GAREM1: variants seen among roughly 807,000 people sequenced by gnomAD.
GAREM1 encodes GRB2-associated and regulator of MAPK protein 1.
A neutral mutation model predicts 71.3 loss-of-function variants in GAREM1; 26 were observed. The ratio of observed to expected loss-of-function variants is 0.36; its 90% confidence interval spans 0.27 to 0.51. The LOEUF is 0.51. GAREM1 is among the 20% of genes least tolerant of loss of function. GAREM1 has a pLI of 0.95. For synonymous variants in GAREM1, 440 were observed against 433.2 expected (o/e 1.02, Z -0.20); for missense variants, 1,026 against 1,103.1 (o/e 0.93, Z 0.99).
At chr18:32,443,150 G>A (rs1180491021) in intron 1 of GAREM1, among the ~76,000 whole-genome samples, 1 of 151,936 alleles carries the variant, frequency 6.6e-6, no homozygotes, top group Non-Finnish European at 1.5e-5. Flanking sequence ...AGCTCAAAAT[G>A]GATCAAATAC....
chr18:32,414,886 T>C (rs954052203), intron 1 of GAREM1, among the ~76,000 whole-genome samples: 3 of 151,796 alleles, frequency 2.0e-5, no homozygotes, highest in Non-Finnish European at 2.9e-5. Context: ...ATTTGAAATA[T>C]AGAACACAAT....
Position 32,309,615 on chromosome 18 carries a change from C to CAAAAAA in GAREM1, c.393+572_393+577dup, listed in dbSNP as rs11370938. On this transcript the variant is annotated intron_variant, in intron 3 of 5. Transcript: ENST00000269209. ...TGGGTGACAGAGCAAGACTCAGTCT[C>CAAAAAA]AAAAAAAAAAAAAAAAAAAAAAAAA... is the stretch of plus-strand genomic sequence containing the variant. 2.3e-3 allele frequency among the ~76,000 whole-genome samples: 32 copies of CAAAAAA among 13,838 alleles called. 3 individuals carry two copies. The highest frequency in any genetic ancestry group is 3.8e-3 in the South Asian group (1 of 266). The allele number at this position is 13,838 out of a possible 152,430, so 9.1% of individuals were successfully genotyped here.
chr18:32,309,108 G>T (rs549195147), intron 3 of GAREM1, among the ~76,000 whole-genome samples: 2 of 150,250 alleles, frequency 1.3e-5, no homozygotes, highest in Non-Finnish European at 3.0e-5. Flanking sequence ...ACTTTGGGCT[G>T]AAATGACATT....
intron 1 of GAREM1, among the ~76,000 whole-genome samples, chr18:32,394,830 C>T (rs754086532): frequency 2.0e-5 from 3 of 152,146 alleles, no homozygotes; most frequent in Non-Finnish European, 2.9e-5. Flanking sequence ...AGCGATGTTC[C>T]GCTACCCACC....
chr18:32,399,741 T>C (rs1449469149), intron 1 of GAREM1, among the ~76,000 whole-genome samples: 5 of 152,128 alleles, frequency 3.3e-5, no homozygotes, highest in East Asian at 3.9e-4. Context: ...AAAATGGCCA[T>C]ACTGCCCAAG....
At chr18:32,418,104 T>C (rs1451589159) in intron 1 of GAREM1, among the ~76,000 whole-genome samples, 2 of 152,194 alleles carry the variant, frequency 1.3e-5, no homozygotes, top group African/African-American at 4.8e-5. Context: ...TTCCATCTCA[T>C]ATTTTTCAAT....
At chr18:32,289,984 T>C (rs2047064553) in intron 3 of GAREM1, among the ~76,000 whole-genome samples, 1 of 147,894 alleles carries the variant, frequency 6.8e-6, no homozygotes, top group South Asian at 2.1e-4. Context: ...TTAAGGTAGG[T>C]TTTTTTTTGT....
intron 1 of GAREM1, among the ~76,000 whole-genome samples, chr18:32,406,263 C>G (rs2048365137): frequency 6.6e-6 from 1 of 152,132 alleles, no homozygotes; most frequent in African/African-American, 2.4e-5. Flanking sequence ...CTCCTGGACT[C>G]AAGCAATCCA....
chr18:32,449,432 A>C (rs997001489), intron 1 of GAREM1, among the ~76,000 whole-genome samples: 8 of 152,238 alleles, frequency 5.3e-5, no homozygotes, highest in African/African-American at 1.9e-4. Flanking sequence ...CACGCCTGCA[A>C]TCCCAGCACT....
At chr18:32,405,845 T>A (rs2144677227) in intron 1 of GAREM1, among the ~76,000 whole-genome samples, 1 of 152,298 alleles carries the variant, frequency 6.6e-6, no homozygotes, top group Admixed American at 6.5e-5. Flanking sequence ...ACAAATCACC[T>A]ACCTATGCCT....
At chr18:32,446,749 T>C (rs1352184322) in intron 1 of GAREM1, among the ~76,000 whole-genome samples, 2 of 152,232 alleles carry the variant, frequency 1.3e-5, no homozygotes, top group African/African-American at 4.8e-5. Context: ...CTTCCTGAGC[T>C]GATTATTATT....
At chr18:32,367,876 G>C (rs2047941053) in intron 2 of GAREM1, among the ~76,000 whole-genome samples, 1 of 152,198 alleles carries the variant, frequency 6.6e-6, no homozygotes, top group South Asian at 2.1e-4. Flanking sequence ...TCTGGAGCTT[G>C]AGGGATGGGC....
At chr18:32,405,849 T>C (rs139863909) in intron 1 of GAREM1, among the ~76,000 whole-genome samples, 11 of 152,342 alleles carry the variant, frequency 7.2e-5, no homozygotes, top group Admixed American at 3.9e-4. Context: ...ATCACCTACC[T>C]ATGCCTGGAC....
intron 2 of GAREM1, among the ~76,000 whole-genome samples, chr18:32,350,613 T>C (rs16963205): frequency 0.1 from 15,168 of 152,236 alleles, 1,417 homozygotes; most frequent in African/African-American, 0.24. Context: ...CTCTAGGATA[T>C]TTGAAAACAG....
intron 2 of GAREM1, among the ~76,000 whole-genome samples, chr18:32,316,582 C>G (rs1211702375): frequency 6.6e-6 from 1 of 152,058 alleles, no homozygotes; most frequent in African/African-American, 2.4e-5. Flanking sequence ...GTAGCTGGGA[C>G]TACAGGTGCA....
chr18:32,445,979 G>A (rs2048782376), intron 1 of GAREM1, among the ~76,000 whole-genome samples: 1 of 152,110 alleles, frequency 6.6e-6, no homozygotes, highest in Non-Finnish European at 1.5e-5. Flanking sequence ...CATGTTGCTC[G>A]TCAAGAGAAA....
intron 1 of GAREM1, among the ~76,000 whole-genome samples, chr18:32,428,588 C>T (rs979979366): frequency 4.6e-5 from 7 of 152,140 alleles, no homozygotes; most frequent in Non-Finnish European, 1.0e-4. Flanking sequence ...TTTCCTGAGG[C>T]CTCCCCAGAA....
rs2041407508 is a variant in GAREM1, at chr18:32,268,412, T to C, written c.2090A>G (p.Lys697Arg). ...EFSSSVSGCP[K>R]SASYSLESTD... ...GCTCTCCAGAGAGTAGCTGGCTGAC[T>C]TGGGACAACCAGAGACGCTGCTACT... The change falls in exon 6 of 6, where the codon AAG (lysine) becomes AGG (arginine). Residue 697 changes from lysine to arginine, a missense_variant. Physicochemically the swap from Lys to Arg is conservative, Grantham distance 26. Coordinates refer to ENST00000269209, the MANE Select transcript of GAREM1 (RefSeq NM_001242409.2). 6.2e-7 allele frequency: 1 copy of C among 1,614,048 alleles called. No individual in the cohort carries two copies. Among genetic ancestry groups the C allele is most frequent in the East Asian group, 2.2e-5 (1 of 44,896 alleles).
intron 2 of GAREM1, among the ~76,000 whole-genome samples, chr18:32,332,982 G>C (rs1007982788): frequency 7.3e-5 from 11 of 149,940 alleles, no homozygotes; most frequent in African/African-American, 2.7e-4. Flanking sequence ...TGCCGTTAGG[G>C]GAGAATTTTT....
Sources: gnomAD v4.1 joint callset for allele counts (sites outside exome capture counted in the v4.1 genomes callset) on GRCh38, gnomAD v4.1.1 for gene constraint, MANE v1.5 for transcripts, NCBI Gene and HGNC (gene_info 2026-07-23, HGNC 2026-07-21) for gene names.